The following FHIP1A variants were observed in gnomAD, a reference collection of about 807,000 sequenced individuals.
The protein encoded by FHIP1A is FHF complex subunit HOOK-interacting protein 1A.
FHIP1A carries 61 observed loss-of-function variants against 88.6 expected under a neutral mutation model. The observed-to-expected ratio is 0.69, with a 90% CI of 0.56 to 0.85. The LOEUF is 0.85. Among genes scored for constraint, FHIP1A ranks in the 40% least tolerant of loss-of-function variants. The pLI, the probability that FHIP1A is intolerant of heterozygous loss-of-function variation, is 0.00. For synonymous variants in FHIP1A, 478 were observed against 496.0 expected (o/e 0.96, Z 0.48); for missense variants, 1,154 against 1,273.5 (o/e 0.91, Z 1.43).
At position 151,471,182 on chromosome 4, in the gene FHIP1A, A is replaced by G. The variant is rs1019175791; in HGVS notation, c.-247-11342A>G. ...GGTGGTCTTTACATTTCTTGGAAAC[A>G]TAATAGATTCAAGATATGAGGATAG... is the stretch of plus-strand genomic sequence containing the variant. On this transcript the variant is annotated intron_variant, in intron 2 of 13. Coordinates refer to ENST00000435205, the MANE Select transcript of FHIP1A (RefSeq NM_001109977.3). Among the ~76,000 whole-genome samples the G allele has an allele frequency of 2.0e-5, 3 of 152,040 alleles. No individual in the cohort carries two copies. In the South Asian group the frequency reaches 6.2e-4, roughly 31 times the overall value.
intron 1 of FHIP1A, among the ~76,000 whole-genome samples, chr4:151,425,210 C>A (rs755639849): frequency 6.6e-6 from 1 of 152,098 alleles, no homozygotes; most frequent in African/African-American, 2.4e-5. Context: ...TCTCACTACT[C>A]GTTTATAAGA....
At chr4:151,661,203 G>A (rs1355131835) in intron 13 of FHIP1A, among the ~76,000 whole-genome samples, 1 of 152,144 alleles carries the variant, frequency 6.6e-6, no homozygotes, top group African/African-American at 2.4e-5. Context: ...CTGAGCTAGG[G>A]TTGGGGATGA....
chr4:151,523,607 G>C (rs1731523153), intron 3 of FHIP1A, among the ~76,000 whole-genome samples: 1 of 152,262 alleles, frequency 6.6e-6, no homozygotes, highest in Admixed American at 6.5e-5. Context: ...CTTAGGGGTT[G>C]GGAGCACAGT....
chr4:151,411,349 A>ATATT (rs796909469), intron 1 of FHIP1A, among the ~76,000 whole-genome samples: 24 of 136,790 alleles, frequency 1.8e-4, no homozygotes, highest in South Asian at 2.2e-4. Context: ...TTATATATAT[A>ATATT]TTTTTTTTTT....
intron 3 of FHIP1A, among the ~76,000 whole-genome samples, chr4:151,533,244 A>G (rs1731944672): frequency 6.6e-6 from 1 of 152,050 alleles, no homozygotes; most frequent in South Asian, 2.1e-4. Flanking sequence ...AAATTTTAAA[A>G]AATTAGCTGA....
chr4:151,555,460 C>G (rs917722574), intron 3 of FHIP1A, among the ~76,000 whole-genome samples: 3 of 152,202 alleles, frequency 2.0e-5, no homozygotes, highest in African/African-American at 7.2e-5. Context: ...AACTCTCCTC[C>G]TCCTCTTATT....
intron 1 of FHIP1A, among the ~76,000 whole-genome samples, chr4:151,426,578 G>A (rs1175130805): frequency 6.6e-6 from 1 of 152,130 alleles, no homozygotes; most frequent in Non-Finnish European, 1.5e-5. Flanking sequence ...AAGTGGTGTG[G>A]TTGTATTTGA....
In FHIP1A at chr4:151,551,684, C is replaced by A. The variant is rs577351732; in HGVS notation, c.-122-14454C>A. 5.3e-3 allele frequency among the ~76,000 whole-genome samples: 809 copies of A among 152,256 alleles called. 6 individuals are homozygous for A. The highest frequency in any genetic ancestry group is 0.019 in the African/African-American group (787 of 41,542). The stretch of plus-strand genomic sequence containing the variant: ...CTTACACCTTATACAAAAATTAATT[C>A]AAGATGGATTAAAGACTTAAATGTT... On this transcript the variant is annotated intron_variant, in intron 3 of 13. Transcript: ENST00000435205.
At chr4:151,541,285 A>G (rs942726103) in intron 3 of FHIP1A, among the ~76,000 whole-genome samples, 2 of 152,222 alleles carry the variant, frequency 1.3e-5, no homozygotes, top group African/African-American at 4.8e-5. Context: ...GAAGAGGGAC[A>G]TTATCAGTTA....
chr4:151,489,696 CT>C (rs1730214178), intron 3 of FHIP1A, among the ~76,000 whole-genome samples: 1 of 152,146 alleles, frequency 6.6e-6, no homozygotes, highest in Non-Finnish European at 1.5e-5. Flanking sequence ...TCATTGCCGA[CT>C]TTCCCCGCTT....
intron 1 of FHIP1A, among the ~76,000 whole-genome samples, chr4:151,443,685 C>CTGTGTGTGTGTGTGTGTG (rs57147339): frequency 0.042 from 5,153 of 122,004 alleles, 204 homozygotes; most frequent in Admixed American, 0.072. Flanking sequence ...ATGAAGCACT[C>CTGTGTGTGTGTGTGTGTG]TGTGTGTGTG....
At chr4:151,461,462 T>C (rs1476914497) in intron 2 of FHIP1A, among the ~76,000 whole-genome samples, 1 of 152,118 alleles carries the variant, frequency 6.6e-6, no homozygotes, top group African/African-American at 2.4e-5. Flanking sequence ...TAAAATATAG[T>C]TTCAAATAGC....
In FHIP1A at chr4:151,650,237, C is replaced by G. The variant is rs1477617115; in HGVS notation, c.2196C>G (p.Ala732=). 6.4e-7 allele frequency: 1 copy of G among 1,551,724 alleles called. No individual in the cohort carries two copies. The highest frequency in any genetic ancestry group is 8.7e-7 in the Non-Finnish European group (1 of 1,146,996). Residue 732 remains alanine (A), a synonymous_variant, in exon 11 of 14, where the codon GCC becomes GCG. Transcript: ENST00000435205. ...CCAACTCAGAGTTAGCATCCCCTGC[C>G]CCTGAGGCAGAGCACAGCTCTAACC... The part of the protein sequence containing the change: ...PESNSELASP[A]PEAEHSSNLT...
chr4:151,647,944 CTG>C (rs1171241369), intron 10 of FHIP1A, among the ~76,000 whole-genome samples: 1 of 152,128 alleles, frequency 6.6e-6, no homozygotes, highest in Non-Finnish European at 1.5e-5. Flanking sequence ...AATAAACAAA[CTG>C]AGAGAGAGGA....
At chr4:151,638,388 T>C (rs548286907) in intron 8 of FHIP1A, among the ~76,000 whole-genome samples, 137 of 151,366 alleles carry the variant, frequency 9.1e-4, no homozygotes, top group African/African-American at 3.3e-3. Context: ...GTAGGTAGAA[T>C]GTTTATCTGT....
chr4:151,566,229 A>G lies in FHIP1A; in HGVS notation c.-31A>G, dbSNP rs1156317410. The G allele has an allele frequency of 1.2e-5, 16 of 1,365,542 alleles. No homozygotes were observed. The East Asian group carries it at 4.1e-4, about 35-fold the overall frequency. The allele number at this position is 1,365,542 out of a possible 1,614,324, so 84.6% of individuals were successfully genotyped here. A position where few individuals can be genotyped will look rare whatever the true frequency, so the allele number is the denominator to read the frequency against. ...TACCAAATTTTAATGAAAATTAAAT[A>G]TGACTTAGAAGCATTGATTTATGAA... On this transcript the variant is annotated 5_prime_UTR_variant, in exon 4 of 14. The change creates a new upstream start codon in the 5' untranslated region. Coordinates refer to ENST00000435205, the MANE Select transcript of FHIP1A (RefSeq NM_001109977.3).
At chr4:151,626,763 T>A (rs905723995) in intron 7 of FHIP1A, among the ~76,000 whole-genome samples, 15 of 152,240 alleles carry the variant, frequency 9.9e-5, no homozygotes, top group African/African-American at 2.7e-4. Context: ...GAGGTCTTAC[T>A]TATATTAGCA....
chr4:151,584,105 T>C (rs1396521151), intron 5 of FHIP1A, among the ~76,000 whole-genome samples: 1 of 152,206 alleles, frequency 6.6e-6, no homozygotes, highest in African/African-American at 2.4e-5. Context: ...TTGATTTCTC[T>C]AGTACTGAAA....
intron 7 of FHIP1A, among the ~76,000 whole-genome samples, chr4:151,605,740 A>C (rs1735049075): frequency 1.3e-5 from 2 of 152,242 alleles, no homozygotes; most frequent in South Asian, 4.1e-4. Flanking sequence ...TGCATCCTGC[A>C]AGCTCAATAA....
Sources: gnomAD v4.1 joint callset for allele counts (sites outside exome capture counted in the v4.1 genomes callset) on GRCh38, gnomAD v4.1.1 for gene constraint, MANE v1.5 for transcripts, NCBI Gene and HGNC (gene_info 2026-07-23, HGNC 2026-07-21) for gene names.